ITFG1: variants seen among roughly 807,000 people sequenced by gnomAD.
The protein encoded by ITFG1 is integrin alpha FG-GAP repeat containing 1, also known as T-cell immunomodulatory protein.
A neutral mutation model predicts 81.8 loss-of-function variants in ITFG1; 34 were observed. That is an observed-to-expected ratio of 0.42 (90% CI 0.32 to 0.55). The LOEUF is 0.55. Ranked by LOEUF, ITFG1 falls within the 20% of genes least tolerant of loss-of-function variation. The probability of loss-of-function intolerance (pLI) is 0.17; values close to 1 mark genes in which losing one functional copy is unlikely to be tolerated. For synonymous variants in ITFG1, 285 were observed against 270.6 expected (o/e 1.05, Z -0.52); for missense variants, 672 against 755.4 (o/e 0.89, Z 1.29).
At chr16:47,348,504 T>C (rs1967895098) in intron 8 of ITFG1, among the ~76,000 whole-genome samples, 1 of 152,018 alleles carries the variant, frequency 6.6e-6, no homozygotes, top group Non-Finnish European at 1.5e-5. Flanking sequence ...AAGAGACGTT[T>C]AGAGAAAAAA....
chr16:47,440,798 C>T (rs907991038), intron 5 of ITFG1, among the ~76,000 whole-genome samples: 4 of 152,068 alleles, frequency 2.6e-5, no homozygotes, highest in Admixed American at 6.6e-5. Flanking sequence ...AGAGCAAACA[C>T]ATTCAAAAGC....
chr16:47,406,357 T>C (rs1023643893), intron 6 of ITFG1, among the ~76,000 whole-genome samples: 3 of 152,220 alleles, frequency 2.0e-5, no homozygotes, highest in African/African-American at 7.2e-5. Context: ...TCTGAAAATC[T>C]TCTGGGGTTT....
intron 10 of ITFG1, chr16:47,299,762 C>T (rs1307593282): frequency 2.0e-5 from 3 of 152,280 alleles, no homozygotes; most frequent in Admixed American, 6.5e-5. Context: ...AGCCAAATCA[C>T]AAGCAGTTTG....
rs577454283 is a variant in ITFG1 at position 47,450,560 on chromosome 16, T to C, written c.560+836A>G. The stretch of plus-strand genomic sequence containing the variant: ...ATACCTACAAATCACATTTCAAAAA[T>C]GAATCATAAAAACAAACTATTTCTA... On this transcript the variant is annotated intron_variant, in intron 5 of 17. Coordinates refer to ENST00000320640, the MANE Select transcript of ITFG1 (RefSeq NM_030790.5). 1.7e-5 allele frequency: 4 copies of C among 235,748 alleles called. No individual in the cohort carries two copies. The Admixed American group carries it at 1.7e-4, about 10-fold the overall frequency. 14.6% of individuals were successfully genotyped at this position (235,748 alleles called of 1,614,324 possible).
chr16:47,352,009 TAG>T (rs1427346323), intron 8 of ITFG1, among the ~76,000 whole-genome samples: 4 of 152,148 alleles, frequency 2.6e-5, no homozygotes, highest in Non-Finnish European at 5.9e-5. Flanking sequence ...TAGCCATATG[TAG>T]AAAGCTGAAA....
intron 6 of ITFG1, among the ~76,000 whole-genome samples, chr16:47,379,304 G>A (rs116327846): frequency 0.02 from 3,080 of 152,164 alleles, 103 homozygotes; most frequent in African/African-American, 0.07. Flanking sequence ...GAAACTTCAT[G>A]CCCATGAATC....
intron 8 of ITFG1, among the ~76,000 whole-genome samples, chr16:47,316,500 A>G (rs2151566704): frequency 6.6e-6 from 1 of 152,282 alleles, no homozygotes; most frequent in South Asian, 2.1e-4. Flanking sequence ...AATACAGTTA[A>G]CAATTCACAG....
intron 13 of ITFG1, among the ~76,000 whole-genome samples, chr16:47,227,562 C>G (rs897878842): frequency 6.6e-6 from 1 of 152,066 alleles, no homozygotes; most frequent in Non-Finnish European, 1.5e-5. Context: ...TCTTGTGTGC[C>G]TATTGTCTTA....
chr16:47,316,748 T>C (rs1967365449), intron 8 of ITFG1, among the ~76,000 whole-genome samples: 1 of 152,206 alleles, frequency 6.6e-6, no homozygotes. Context: ...TATGTTTTAA[T>C]ATATTATTAT....
intron 12 of ITFG1, among the ~76,000 whole-genome samples, chr16:47,241,677 C>T (rs953725983): frequency 6.6e-6 from 1 of 152,096 alleles, no homozygotes; most frequent in Non-Finnish European, 1.5e-5. Context: ...CAGACAAGGC[C>T]GGGCGCGGTG....
At chr16:47,398,577 A>G (rs1049015154) in intron 6 of ITFG1, among the ~76,000 whole-genome samples, 1 of 152,252 alleles carries the variant, frequency 6.6e-6, no homozygotes, top group African/African-American at 2.4e-5. Flanking sequence ...GTTTCTAAAA[A>G]GAAAATATTA....
At chr16:47,249,693 T>C (rs1272474253) in intron 12 of ITFG1, among the ~76,000 whole-genome samples, 2 of 152,224 alleles carry the variant, frequency 1.3e-5, no homozygotes, top group African/African-American at 4.8e-5. Context: ...TTTGTAAGTT[T>C]CTTTTAACAT....
At chr16:47,444,034 T>C (rs986150167) in intron 5 of ITFG1, among the ~76,000 whole-genome samples, 4 of 152,224 alleles carry the variant, frequency 2.6e-5, no homozygotes, top group Non-Finnish European at 5.9e-5. Context: ...ATAAAAGCTG[T>C]TTCCAAATGA....
intron 12 of ITFG1, among the ~76,000 whole-genome samples, chr16:47,244,459 C>T (rs964549765): frequency 6.6e-6 from 1 of 152,086 alleles, no homozygotes; most frequent in Non-Finnish European, 1.5e-5. Flanking sequence ...AGGGGGAAGG[C>T]AGAATCCCTA....
intron 13 of ITFG1, among the ~76,000 whole-genome samples, chr16:47,237,338 T>C (rs184334268): frequency 2.6e-5 from 4 of 152,324 alleles, no homozygotes; most frequent in Admixed American, 2.6e-4. Flanking sequence ...TGAGTCTCAG[T>C]TTCCTTGTCT....
intron 6 of ITFG1, among the ~76,000 whole-genome samples, chr16:47,400,190 T>C (rs1363458825): frequency 6.6e-6 from 1 of 152,220 alleles, no homozygotes; most frequent in Non-Finnish European, 1.5e-5. Flanking sequence ...TTCTTTGCAA[T>C]TGGCTTGCTT....
chr16:47,263,099 C>A, intron 10 of ITFG1: 1 of 243,038 alleles, frequency 4.1e-6, no homozygotes. Flanking sequence ...GGAATGCATC[C>A]CTGTAACAGC....
At chr16:47,348,818 G>A (rs957535771) in intron 8 of ITFG1, among the ~76,000 whole-genome samples, 10 of 152,234 alleles carry the variant, frequency 6.6e-5, no homozygotes, top group Admixed American at 2.6e-4. Context: ...GAGAAAGGTC[G>A]GGTTACCCAC....
At chr16:47,382,225 G>C (rs1428705026) in intron 6 of ITFG1, among the ~76,000 whole-genome samples, 1 of 152,152 alleles carries the variant, frequency 6.6e-6, no homozygotes, top group Non-Finnish European at 1.5e-5. Flanking sequence ...TGATAGAGAT[G>C]ATTGCATTAG....
Sources: gnomAD v4.1 joint callset for allele counts (sites outside exome capture counted in the v4.1 genomes callset) on GRCh38, gnomAD v4.1.1 for gene constraint, MANE v1.5 for transcripts, NCBI Gene and HGNC (gene_info 2026-07-23, HGNC 2026-07-21) for gene names.